Variants in ROPN1B observed in about 807,000 individuals in gnomAD.
ROPN1B encodes rhophilin associated tail protein 1B.
ROPN1B carries 13 observed loss-of-function variants against 23.7 expected under a neutral mutation model. The ratio of observed to expected loss-of-function variants is 0.55; its 90% CI spans 0.36 to 0.87. The LOEUF is 0.87. Ranked by LOEUF, ROPN1B falls within the 40% of genes least tolerant of loss-of-function variation. The probability of loss-of-function intolerance (pLI) is 0.01; values close to 1 mark genes in which losing one functional copy is unlikely to be tolerated. For synonymous variants in ROPN1B, 67 were observed against 100.4 expected, an observed-to-expected ratio of 0.67 and a Z score of 1.99; for missense variants, 183 against 249.2, an observed-to-expected ratio of 0.73 and a Z score of 1.79.
chr3:125,972,746 G>A (rs1003229709), intron 3 of ROPN1B: 9 of 347,756 alleles, frequency 2.6e-5, no homozygotes, highest in Non-Finnish European at 4.5e-5. Context: ...ATTTTCTTTG[G>A]TGTTTCTCTG....
chr3:125,973,970 T>G (rs1326670291), intron 3 of ROPN1B: 1 of 153,808 alleles, frequency 6.5e-6, no homozygotes, highest in Non-Finnish European at 1.5e-5. Flanking sequence ...TAGGCATGTG[T>G]TACAACTCAA....
chr3:125,975,137 C>T (rs1226872213), intron 3 of ROPN1B, among the ~76,000 whole-genome samples: 1 of 152,202 alleles, frequency 6.6e-6, no homozygotes, highest in African/African-American at 2.4e-5. Context: ...GCCACCATTC[C>T]TGTGCTGCCT....
chr3:125,971,590 G>A (rs1239218489), intron 2 of ROPN1B, among the ~76,000 whole-genome samples: 3 of 152,204 alleles, frequency 2.0e-5, no homozygotes, highest in Admixed American at 6.5e-5. Context: ...TTAATTCATA[G>A]AGGGTTCAGA....
intron 6 of ROPN1B, among the ~76,000 whole-genome samples, chr3:125,982,834 G>A (rs550327863): frequency 1.2e-4 from 18 of 152,238 alleles, no homozygotes; most frequent in African/African-American, 4.3e-4. Flanking sequence ...TGGAGGAGGA[G>A]GATGAGAGGA....
At chr3:125,980,002 G>A (rs1353275531) in intron 5 of ROPN1B, among the ~76,000 whole-genome samples, 2 of 152,200 alleles carry the variant, frequency 1.3e-5, no homozygotes, top group Non-Finnish European at 2.9e-5. Context: ...AAGAGATCAC[G>A]TATGTAGAAA....
At chr3:125,975,781 C>T in intron 4 of ROPN1B, 101 bp downstream of exon 4, 1 of 998,992 alleles carries the variant, frequency 1.0e-6, no homozygotes, top group South Asian at 2.0e-5. Context: ...CAGCTGACCA[C>T]TTAGCACCAC....
rs185183039 is a variant in ROPN1B at position 125,977,266 on chromosome 3, G to A, written c.396+101G>A. 34 of 1,374,704 alleles carry A rather than the reference G, an allele frequency of 2.5e-5. 1 individual carries two copies. The African/African-American group carries it at 4.8e-4, about 19-fold the overall frequency. The allele number at this position is 1,374,704 out of a possible 1,614,324, so 85.2% of individuals were successfully genotyped here. On this transcript the variant is annotated intron_variant, in intron 5 of 6. Coordinates refer to ENST00000514116, the MANE Select transcript of ROPN1B (RefSeq NM_001308313.2). Reference sequence around the variant, plus strand: ...ACGCGGTCAACTCTGCAGGGCTGATGATAAACATGCCTCTTCTCCTATTGT... The same window carrying A: ...ACGCGGTCAACTCTGCAGGGCTGATAATAAACATGCCTCTTCTCCTATTGT...
chr3:125,982,931 C>T (rs565922177), intron 6 of ROPN1B, among the ~76,000 whole-genome samples: 1 of 152,196 alleles, frequency 6.6e-6, no homozygotes, highest in East Asian at 1.9e-4. Context: ...ATGGCTTGAG[C>T]TCAGGAGTTC....
chr3:125,983,246 C>G lies in ROPN1B; in HGVS notation c.573-8C>G, dbSNP rs767310016. ...GAACTAACTGCAGATATACCTTTAT[C>G]CAAACAGAATTGGTCCTGATGGTTT... On this transcript the variant is annotated splice_polypyrimidine_tract_variant and splice_region_variant and intron_variant, in intron 6 of 6. Coordinates refer to ENST00000514116, the MANE Select transcript of ROPN1B (RefSeq NM_001308313.2). The G allele has an allele frequency of 1.9e-6, 3 of 1,605,668 alleles. No individual in the cohort carries two copies. Among genetic ancestry groups the G allele is most frequent in the Non-Finnish European group, 2.6e-6 (3 of 1,172,686 alleles).
In ROPN1B at chr3:125,976,055, C is replaced by T. The variant is rs184892196; in HGVS notation, c.234+375C>T. 5.9e-5 allele frequency among the ~76,000 whole-genome samples: 9 copies of T among 152,288 alleles called. No homozygotes were observed. The East Asian group carries it at 1.5e-3, about 26-fold the overall frequency. ...TTGGGGAAGGGCATATTTTAGCTCC[C>T]CAGTTATCCCAGGTCCAGACATTGC... On this transcript the variant is annotated intron_variant, in intron 4 of 6. Coordinates refer to ENST00000514116, the MANE Select transcript of ROPN1B (RefSeq NM_001308313.2).
chr3:125,974,262 AC>A, intron 3 of ROPN1B, among the ~76,000 whole-genome samples: 1 of 149,600 alleles, frequency 6.7e-6, no homozygotes, highest in Non-Finnish European at 1.5e-5. Context: ...GTGCACCCAC[AC>A]CCCGCCCACC....
Position 125,972,138 on chromosome 3 carries a change from G to A in ROPN1B, c.84G>A (p.Ala28=), listed in dbSNP as rs1167440684. 2.5e-6 allele frequency: 4 copies of A among 1,614,082 alleles called. No individual in the cohort carries two copies. Among genetic ancestry groups the A allele is most frequent in the Non-Finnish European group, 3.4e-6 (4 of 1,180,030 alleles). Residue 28 remains alanine, a synonymous_variant, in exon 3 of 7, where the codon GCG becomes GCA. Coordinates refer to ENST00000514116, the MANE Select transcript of ROPN1B (RefSeq NM_001308313.2). The part of the protein sequence containing the change: ...LKEFAKAAIR[A]QPQDLIQWGA... ...AGTTTGCCAAAGCCGCCATTCGGGC[G>A]CAGCCGCAGGACCTCATCCAGTGGG... is the stretch of plus-strand genomic sequence containing the variant.
intron 3 of ROPN1B, among the ~76,000 whole-genome samples, chr3:125,975,145 C>A (rs527936022): frequency 2.0e-5 from 3 of 152,278 alleles, no homozygotes; most frequent in Admixed American, 2.0e-4. Context: ...TCCTGTGCTG[C>A]CTTCCCCTTT....
In ROPN1B at chr3:125,974,606, T is replaced by A. The variant is rs60173618; in HGVS notation, c.117-957T>A. 1.8e-3 allele frequency among the ~76,000 whole-genome samples: 273 copies of A among 152,334 alleles called. 1 individual carries two copies. The highest frequency in any genetic ancestry group is 2.1e-3 in the South Asian group (10 of 4,826). On this transcript the variant is annotated intron_variant, in intron 3 of 6. Coordinates refer to ENST00000514116, the MANE Select transcript of ROPN1B (RefSeq NM_001308313.2). ...ATGGAGACAGACCCTGCCATGCTGCTTTGGTGACCCACATGTCAGCGGCTC... is the reference window on the plus strand; with the variant it reads ...ATGGAGACAGACCCTGCCATGCTGCATTGGTGACCCACATGTCAGCGGCTC...
At chr3:125,980,446 C>T (rs951388275) in intron 5 of ROPN1B, among the ~76,000 whole-genome samples, 5 of 152,196 alleles carry the variant, frequency 3.3e-5, no homozygotes, top group Non-Finnish European at 7.3e-5. Context: ...GTCAGCAGGA[C>T]TGCTTTCTTC....
intron 3 of ROPN1B, among the ~76,000 whole-genome samples, chr3:125,975,095 C>T (rs1325293899): frequency 6.6e-6 from 1 of 151,926 alleles, no homozygotes; most frequent in African/African-American, 2.4e-5. Flanking sequence ...CCTCCAGGCT[C>T]AGGCTCTGCA....
chr3:125,972,226 C>T (rs752276278), intron 3 of ROPN1B, 56 bp downstream of exon 3: 4 of 1,573,248 alleles, frequency 2.5e-6, no homozygotes, highest in Non-Finnish European at 3.5e-6. Flanking sequence ...AGAGAGGGTC[C>T]TGTAAAACCG....
chr3:125,977,866 A>G (rs1938480117), intron 5 of ROPN1B: 1 of 152,540 alleles, frequency 6.6e-6, no homozygotes, highest in Non-Finnish European at 1.5e-5. Flanking sequence ...ATGGTTTTTA[A>G]AAAGAATCCC....
At chr3:125,977,875 C>G (rs962135466) in intron 5 of ROPN1B, 6 of 152,136 alleles carry the variant, frequency 3.9e-5, no homozygotes, top group Admixed American at 3.9e-4. Flanking sequence ...AAAAAGAATC[C>G]CTGAGATACA....
Sources: gnomAD v4.1 joint callset for allele counts (sites outside exome capture counted in the v4.1 genomes callset) on GRCh38, gnomAD v4.1.1 for gene constraint, MANE v1.5 for transcripts, NCBI Gene and HGNC (gene_info 2026-07-23, HGNC 2026-07-21) for gene names.